The following EDIL3 variants were observed in gnomAD, a reference collection of about 807,000 sequenced individuals.
The protein encoded by EDIL3 is EGF like and discoidin domains 3.
A neutral mutation model predicts 67.4 loss-of-function variants in EDIL3; 37 were observed. The observed-to-expected ratio is 0.55, with a 90% CI of 0.42 to 0.72. The LOEUF (loss-of-function observed/expected upper bound fraction) is 0.72, where lower values mean the gene tolerates loss of function less well. Among genes scored for constraint, EDIL3 ranks in the 30% least tolerant of loss-of-function variants. The probability of loss-of-function intolerance (pLI) is 0.00; values close to 1 mark genes in which losing one functional copy is unlikely to be tolerated. For missense variants in EDIL3, 527 were observed against 586.3 expected (o/e 0.90, Z 1.04); for synonymous variants, 195 against 196.3 (o/e 0.99, Z 0.05).
At chr5:84,211,667 C>T (rs1426078092) in intron 3 of EDIL3, among the ~76,000 whole-genome samples, 2 of 152,114 alleles carry the variant, frequency 1.3e-5, no homozygotes, top group Non-Finnish European at 2.9e-5. Flanking sequence ...TCAAGGGATG[C>T]CCACAGCCAA....
intron 3 of EDIL3, among the ~76,000 whole-genome samples, chr5:84,185,951 A>T (rs1421507919): frequency 6.6e-6 from 1 of 152,128 alleles, no homozygotes; most frequent in East Asian, 1.9e-4. Flanking sequence ...TGTATGAGCA[A>T]GATAAAATGA....
intron 1 of EDIL3, among the ~76,000 whole-genome samples, chr5:84,254,439 G>C (rs568124435): frequency 6.6e-6 from 1 of 152,232 alleles, no homozygotes; most frequent in Admixed American, 6.5e-5. Flanking sequence ...GCCTCTGAAA[G>C]CTATTGGTTC....
At chr5:84,283,688 T>A (rs538944298) in intron 1 of EDIL3, among the ~76,000 whole-genome samples, 1 of 152,182 alleles carries the variant, frequency 6.6e-6, no homozygotes, top group Non-Finnish European at 1.5e-5. Context: ...CAGTGCATTA[T>A]CCCTTCTGGA....
At chr5:84,136,181 G>T (rs767514407) in intron 5 of EDIL3, among the ~76,000 whole-genome samples, 1 of 152,116 alleles carries the variant, frequency 6.6e-6, no homozygotes, top group Non-Finnish European at 1.5e-5. Flanking sequence ...TGGGGAATCA[G>T]AAACCTGTAG....
chr5:83,983,591 C>A (rs2269276), intron 9 of EDIL3, among the ~76,000 whole-genome samples: 38,020 of 151,808 alleles, frequency 0.25, 5,009 homozygotes, highest in East Asian at 0.33. Context: ...TTGTGCAATA[C>A]AAACTTTGTC....
intron 9 of EDIL3, among the ~76,000 whole-genome samples, chr5:84,030,318 C>T (rs751041272): frequency 1.9e-4 from 29 of 152,090 alleles, no homozygotes; most frequent in Non-Finnish European, 3.5e-4. Context: ...AAATTAATTA[C>T]GTTTCTCAGA....
At chr5:84,025,208 C>T (rs1745790677) in intron 9 of EDIL3, among the ~76,000 whole-genome samples, 1 of 152,134 alleles carries the variant, frequency 6.6e-6, no homozygotes, top group South Asian at 2.1e-4. Flanking sequence ...TTCCTCTAGT[C>T]CAGGGGTCCC....
chr5:84,016,583 A>T (rs961480621), intron 9 of EDIL3, among the ~76,000 whole-genome samples: 7 of 152,198 alleles, frequency 4.6e-5, no homozygotes, highest in Non-Finnish European at 1.0e-4. Flanking sequence ...ACCTGATCTC[A>T]CATGATGGGT....
rs540334478 is a variant in EDIL3, at chr5:84,240,738, C to T, written c.197-10854G>A. On this transcript the variant is annotated intron_variant, in intron 2 of 10. Coordinates refer to ENST00000296591, the MANE Select transcript of EDIL3 (RefSeq NM_005711.5). ...TCCTGGTGCCAAAAAGGTTGGGGAC[C>T]GCAGCTCTATGGAATACAGATCCAC... Among the ~76,000 whole-genome samples the T allele has an allele frequency of 1.4e-4, 22 of 152,204 alleles. No homozygotes were observed. The East Asian group carries it at 3.9e-3, about 27-fold the overall frequency.
intron 1 of EDIL3, among the ~76,000 whole-genome samples, chr5:84,312,010 T>A (rs1746401437): frequency 6.6e-6 from 1 of 152,196 alleles, no homozygotes; most frequent in Admixed American, 6.5e-5. Context: ...TTCCCCGCCT[T>A]TCCCCACTTT....
At chr5:84,215,404 C>T (rs544099610) in intron 3 of EDIL3, among the ~76,000 whole-genome samples, 1 of 152,026 alleles carries the variant, frequency 6.6e-6, no homozygotes, top group East Asian at 1.9e-4. Flanking sequence ...CAGGCGCCCG[C>T]CACCACACCT....
intron 9 of EDIL3, among the ~76,000 whole-genome samples, chr5:84,033,875 T>C (rs996135324): frequency 9.2e-5 from 14 of 152,198 alleles, no homozygotes; most frequent in Admixed American, 7.9e-4. Flanking sequence ...CTGAGTTGTA[T>C]GTGACGTTAC....
Position 83,998,112 on chromosome 5 carries a change from C to T in EDIL3, c.1138-34752G>A, listed in dbSNP as rs116548168. 9.4e-3 allele frequency among the ~76,000 whole-genome samples: 1,427 copies of T among 152,212 alleles called. 17 individuals carry two copies. Among genetic ancestry groups the T allele is most frequent in the African/African-American group, 0.025 (1,034 of 41,534 alleles). On this transcript the variant is annotated intron_variant, in intron 9 of 10. Coordinates refer to ENST00000296591, the MANE Select transcript of EDIL3 (RefSeq NM_005711.5). ...TAGATGCTGTGCTAGGCTGGGAGCC[C>T]GTGGATATGGGGCACACACGGCCCA...
intron 9 of EDIL3, among the ~76,000 whole-genome samples, chr5:84,027,164 G>C (rs1745830430): frequency 6.6e-6 from 1 of 152,164 alleles, no homozygotes; most frequent in South Asian, 2.1e-4. Flanking sequence ...TTGAGCTCAA[G>C]CTAGATTACA....
chr5:84,231,801 T>G (rs969462431), intron 2 of EDIL3, among the ~76,000 whole-genome samples: 2 of 152,178 alleles, frequency 1.3e-5, no homozygotes, highest in Non-Finnish European at 2.9e-5. Flanking sequence ...CTTCCAGGAA[T>G]TCCCTTTTAG....
At chr5:84,364,937 C>T (rs1747695530) in intron 1 of EDIL3, among the ~76,000 whole-genome samples, 1 of 151,996 alleles carries the variant, frequency 6.6e-6, no homozygotes, top group East Asian at 1.9e-4. Flanking sequence ...GAGTGTTATA[C>T]CAATCCTTAA....
intron 6 of EDIL3, among the ~76,000 whole-genome samples, chr5:84,080,125 A>G: frequency 1.1e-5 from 1 of 89,914 alleles, no homozygotes; most frequent in Non-Finnish European, 2.3e-5. Flanking sequence ...CAAAAAAAAA[A>G]AAAAAAAAAA....
chr5:84,272,095 TA>T (rs1212402375), intron 1 of EDIL3, among the ~76,000 whole-genome samples: 1 of 152,174 alleles, frequency 6.6e-6, no homozygotes, highest in Non-Finnish European at 1.5e-5. Flanking sequence ...CGCTCACACT[TA>T]GGTTAGCCTT....
At chr5:84,186,135 GAA>G (rs1743433132) in intron 3 of EDIL3, among the ~76,000 whole-genome samples, 1 of 151,890 alleles carries the variant, frequency 6.6e-6, no homozygotes, top group Admixed American at 6.6e-5. Flanking sequence ...AGAAATCCTG[GAA>G]AAGTTTTGAC....
Sources: allele counts gnomAD v4.1 joint callset (sites outside exome capture counted in the v4.1 genomes callset), GRCh38; gene constraint gnomAD v4.1.1; transcripts MANE v1.5; gene names NCBI Gene and HGNC (gene_info 2026-07-23, HGNC 2026-07-21).